ABHD3: variants seen among roughly 807,000 people sequenced by gnomAD.
ABHD3 encodes the protein phospholipase ABHD3.
In ABHD3, 46 loss-of-function variants were observed where a neutral mutation model predicts 48.8. The ratio of observed to expected loss-of-function variants is 0.94; its 90% CI spans 0.74 to 1.20. ABHD3 has a LOEUF of 1.20. Among genes scored for constraint, ABHD3 ranks in the 50% most tolerant of loss-of-function variants. The pLI, the probability that ABHD3 is intolerant of heterozygous loss-of-function variation, is 0.00. For synonymous variants in ABHD3, 192 were observed against 183.7 expected (o/e 1.04, Z -0.36); for missense variants, 490 against 497.8 (o/e 0.98, Z 0.15).
At chr18:21,676,143 C>T (rs942444769) in intron 4 of ABHD3, among the ~76,000 whole-genome samples, 17 of 152,120 alleles carry the variant, frequency 1.1e-4, no homozygotes, top group Non-Finnish European at 2.5e-4. Flanking sequence ...CATATGAATG[C>T]TGGGGCAGGG....
chr18:21,681,934 G>A (rs865931966), intron 4 of ABHD3, among the ~76,000 whole-genome samples: 2 of 151,928 alleles, frequency 1.3e-5, no homozygotes, highest in African/African-American at 2.4e-5. Context: ...GAGCAGCCTG[G>A]GCAACAGAGT....
chr18:21,673,479 G>T (rs940408700), intron 4 of ABHD3: 6 of 152,170 alleles, frequency 3.9e-5, no homozygotes, highest in African/African-American at 1.4e-4. Flanking sequence ...TTTTTAGTAG[G>T]GACGGGGTTT....
At chr18:21,656,832 C>A in intron 8 of ABHD3, 29 bp downstream of exon 8, 1 of 1,529,820 alleles carries the variant, frequency 6.5e-7, no homozygotes, top group South Asian at 1.3e-5. Flanking sequence ...TGATTCATGT[C>A]AAAATATATA....
chr18:21,657,379 G>A (rs1404771553), intron 6 of ABHD3, among the ~76,000 whole-genome samples: 3 of 147,662 alleles, frequency 2.0e-5, no homozygotes, highest in Admixed American at 6.9e-5. Flanking sequence ...TTGCTTTGTC[G>A]CCCAGGCTGG....
chr18:21,700,379 T>C (rs1185280285), intron 3 of ABHD3, among the ~76,000 whole-genome samples: 4 of 151,902 alleles, frequency 2.6e-5, no homozygotes, highest in African/African-American at 9.7e-5. Context: ...CGTGAGCCAC[T>C]GTACCTGGCC....
At chr18:21,700,732 A>C (rs886151714) in intron 3 of ABHD3, among the ~76,000 whole-genome samples, 1 of 151,556 alleles carries the variant, frequency 6.6e-6, no homozygotes, top group African/African-American at 2.4e-5. Context: ...CTAAGTCTTG[A>C]GAGACAGCTC....
intron 3 of ABHD3, among the ~76,000 whole-genome samples, chr18:21,688,348 A>T (rs1234135260): frequency 1.3e-5 from 2 of 152,218 alleles, no homozygotes; most frequent in Non-Finnish European, 2.9e-5. Flanking sequence ...TGAGAGGAAC[A>T]TTCAGAGATC....
intron 3 of ABHD3, among the ~76,000 whole-genome samples, chr18:21,691,956 T>C (rs779171068): frequency 6.6e-6 from 1 of 152,196 alleles, no homozygotes; most frequent in Non-Finnish European, 1.5e-5. Context: ...TACATTCCAA[T>C]CTTTTCTTTT....
intron 4 of ABHD3, among the ~76,000 whole-genome samples, chr18:21,678,364 C>T (rs182649457): frequency 8.2e-4 from 125 of 152,222 alleles, no homozygotes; most frequent in Non-Finnish European, 1.4e-3. Flanking sequence ...TCCAAAGTGG[C>T]TAGGATGCTT....
Position 21,704,675 on chromosome 18 carries a change from G to A in ABHD3, c.-10C>T, listed in dbSNP as rs781603065. 2 of 1,468,006 alleles carry A rather than the reference G, an allele frequency of 1.4e-6. No homozygotes were observed. Among genetic ancestry groups the A allele is most frequent in the Non-Finnish European group, 1.8e-6 (2 of 1,106,360 alleles). 90.9% of individuals were successfully genotyped at this position (1,468,006 alleles called of 1,614,324 possible). A position where few individuals can be genotyped will look rare whatever the true frequency, so the allele number is the denominator to read the frequency against. ...TGGCCAGGCGCTGCATGGCCCCCGAGCGCGGCGCGCGGGTCCTGCGGCGGG... is the reference window on the plus strand; with the variant it reads ...TGGCCAGGCGCTGCATGGCCCCCGAACGCGGCGCGCGGGTCCTGCGGCGGG... On this transcript the variant is annotated 5_prime_UTR_variant, in exon 1 of 9. Transcript: ENST00000289119.
intron 4 of ABHD3, 69 bp from the exon 5 acceptor site, chr18:21,664,299 G>A: frequency 7.0e-7 from 1 of 1,437,930 alleles, no homozygotes; most frequent in Non-Finnish European, 9.6e-7. Flanking sequence ...ATGCAGAAAT[G>A]TAAACAGGAG....
intron 4 of ABHD3, among the ~76,000 whole-genome samples, chr18:21,667,047 A>C (rs2039647166): frequency 6.6e-6 from 1 of 152,052 alleles, no homozygotes; most frequent in African/African-American, 2.4e-5. Context: ...CCCACTGTTC[A>C]ATCACTAATG....
intron 4 of ABHD3, among the ~76,000 whole-genome samples, chr18:21,674,482 A>C (rs575774982): frequency 4.7e-4 from 72 of 152,238 alleles, no homozygotes; most frequent in Admixed American, 1.8e-3. Context: ...TCCTGGGCTC[A>C]AGTGATCCTC....
In ABHD3 at chr18:21,663,761, G is replaced by C; in HGVS notation, c.668+357C>G. ...CTGTAACTGGAGTGATGAAAGTCAT[G>C]CTACAAGTTCAGCTTCAGAACGCAG... On this transcript the variant is annotated intron_variant, in intron 5 of 8. Transcript: ENST00000289119. 4 of 1,535,528 alleles carry C rather than the reference G, an allele frequency of 2.6e-6. No homozygotes were observed. The South Asian group carries it at 4.8e-5, about 18-fold the overall frequency.
intron 3 of ABHD3, among the ~76,000 whole-genome samples, chr18:21,684,237 C>T (rs2040074942): frequency 6.6e-6 from 1 of 151,762 alleles, no homozygotes; most frequent in African/African-American, 2.4e-5. Context: ...CAACTTCTTC[C>T]TACGCACATA....
At chr18:21,664,523 C>T (rs970530143) in intron 4 of ABHD3, 8 of 242,500 alleles carry the variant, frequency 3.3e-5, no homozygotes, top group Non-Finnish European at 3.9e-5. Context: ...AAGTACCATA[C>T]TCAAACGTGT....
chr18:21,698,598 G>T (rs1182078152), intron 3 of ABHD3, among the ~76,000 whole-genome samples: 7 of 151,884 alleles, frequency 4.6e-5, no homozygotes, highest in Non-Finnish European at 1.0e-4. Context: ...ACCCAAGCTG[G>T]AGTGCAGTAC....
At chr18:21,687,491 G>A (rs971599485) in intron 3 of ABHD3, among the ~76,000 whole-genome samples, 2 of 152,108 alleles carry the variant, frequency 1.3e-5, no homozygotes, top group African/African-American at 2.4e-5. Context: ...GATTACAGGC[G>A]TGAGCCACCA....
intron 5 of ABHD3, among the ~76,000 whole-genome samples, chr18:21,660,596 A>AT (rs1051889799): frequency 6.6e-6 from 1 of 152,128 alleles, no homozygotes; most frequent in African/African-American, 2.4e-5. Flanking sequence ...TTCTCATTAT[A>AT]TTTTTTGTAC....
Sources: gnomAD v4.1 joint callset for allele counts (sites outside exome capture counted in the v4.1 genomes callset) on GRCh38, gnomAD v4.1.1 for gene constraint, MANE v1.5 for transcripts, NCBI Gene and HGNC (gene_info 2026-07-23, HGNC 2026-07-21) for gene names.